Variants in RNF19B observed in about 807,000 individuals in gnomAD.
RNF19B encodes ring finger protein 19B, also known as E3 ubiquitin-protein ligase RNF19B.
Under a neutral mutation model 65.5 loss-of-function variants are expected in RNF19B, and 23 were observed. That is an observed-to-expected ratio of 0.35 (90% CI 0.25 to 0.50). RNF19B has a LOEUF of 0.50. RNF19B is among the 20% of genes least tolerant of loss of function. The pLI is 0.98. For synonymous variants in RNF19B, 372 were observed against 379.6 expected (o/e 0.98, Z 0.23); for missense variants, 794 against 980.0 (o/e 0.81, Z 2.53).
intron 8 of RNF19B, among the ~76,000 whole-genome samples, chr1:32,938,140 C>CAA (rs80176999): frequency 0.081 from 3,731 of 45,972 alleles, 120 homozygotes; most frequent in Admixed American, 0.14. Context: ...CCAAGAAAGA[C>CAA]AAAAAAAAAA....
At chr1:32,933,973 T>C (rs776356852), downstream of RNF19B, among the ~76,000 whole-genome samples, 132 of 152,332 alleles carry the variant, frequency 8.7e-4, no homozygotes, top group Middle Eastern at 3.4e-3. Flanking sequence ...ATCAAAGAAG[T>C]GAATTGTTCT....
rs539492342 is a variant in RNF19B at position 32,946,623 on chromosome 1, T to C, written c.984-59A>G. 844 of 1,457,670 alleles carry C rather than the reference T, an allele frequency of 5.8e-4. 15 individuals are homozygous for C. The South Asian group carries it at 8.2e-3, about 14-fold the overall frequency. 90.3% of individuals were successfully genotyped at this position (1,457,670 alleles called of 1,614,324 possible). A position where few individuals can be genotyped will look rare whatever the true frequency, so the allele number is the denominator to read the frequency against. ...ATTACAAATACAGCTAGTATTATCA[T>C]AGGGCTTGATAACAGCAACAGCCTT... On this transcript the variant is annotated intron_variant, in intron 3 of 8. Coordinates refer to ENST00000235150, the MANE Select transcript of RNF19B (RefSeq NM_001300826.2).
At chr1:32,950,488 C>A (rs557643977) in intron 1 of RNF19B, among the ~76,000 whole-genome samples, 2 of 151,712 alleles carry the variant, frequency 1.3e-5, no homozygotes, top group African/African-American at 4.8e-5. Context: ...TTTGTTTATA[C>A]GAAGGAAGAG....
intron 1 of RNF19B, among the ~76,000 whole-genome samples, chr1:32,951,019 T>C (rs1642483525): frequency 1.3e-5 from 2 of 151,966 alleles, no homozygotes; most frequent in African/African-American, 4.8e-5. Flanking sequence ...TTTGTATTTT[T>C]GTAGAGATAG....
intron 2 of RNF19B, 107 bp from the exon 3 acceptor site, chr1:32,948,470 A>C: frequency 8.4e-7 from 1 of 1,191,784 alleles, no homozygotes; most frequent in Non-Finnish European, 1.2e-6. Context: ...GCAGTCAAGA[A>C]CTCTTCACTG....
rs1400193191 is a variant in RNF19B at position 32,944,077 on chromosome 1, G to A, written c.1344C>T (p.Ser448=). The A allele has an allele frequency of 3.7e-6, 6 of 1,613,638 alleles. No individual in the cohort carries two copies. The highest frequency in any genetic ancestry group is 1.3e-5 in the African/African-American group (1 of 74,862). ...SLCRGGGCGV[S]TANGKGVKIE... is the part of the protein sequence containing the mutation. ...TTTTCACTCCTTTTCCGTTGGCTGT[G>A]CTAACTCCACAGCCGCCTCCACGAC... Residue 448 remains serine (S), a synonymous_variant, in exon 6 of 9, where the codon AGC becomes AGT. Transcript: ENST00000235150.
intron 1 of RNF19B, among the ~76,000 whole-genome samples, chr1:32,962,839 C>T (rs1229879395): frequency 6.6e-6 from 1 of 152,216 alleles, no homozygotes; most frequent in Non-Finnish European, 1.5e-5. Flanking sequence ...AAATGAGCCC[C>T]TCTTCCTGCG....
downstream of RNF19B, among the ~76,000 whole-genome samples, chr1:32,935,123 C>T (rs754908374): frequency 6.6e-6 from 1 of 151,732 alleles, no homozygotes; most frequent in Non-Finnish European, 1.5e-5. Flanking sequence ...AACCACTGCG[C>T]CCAGCCCATT....
intron 1 of RNF19B, among the ~76,000 whole-genome samples, chr1:32,962,582 C>G (rs1019806379): frequency 6.6e-6 from 1 of 152,184 alleles, no homozygotes; most frequent in South Asian, 2.1e-4. Flanking sequence ...CACTCTAAGA[C>G]AGCTCCTTTT....
chr1:32,942,379 T>G lies in RNF19B; in HGVS notation c.1483A>C (p.Ser495Arg). 1 of 1,614,210 alleles carries G rather than the reference T, an allele frequency of 6.2e-7. No homozygotes were observed. Among genetic ancestry groups the G allele is most frequent in the Non-Finnish European group, 8.5e-7 (1 of 1,180,032 alleles). ...CTAAGTCCATCTGTAGGGCTTCCAC[T>G]AGTGCTCAATACACTAGTCAGGCCT... is the stretch of plus-strand genomic sequence containing the variant. ...IEGLTSVLST[S>R]GSPTDGLSVM... The change falls in exon 7 of 9, where the codon AGT becomes CGT. Residue 495 changes from serine (S) to arginine (R), a missense_variant. This residue lies in a region of RNF19B where 368 missense variants were observed against 447.3 expected (regional missense o/e 0.82). Transcript: ENST00000235150.
In RNF19B at chr1:32,943,932, C is replaced by T. The variant is rs1177439820; in HGVS notation, c.1402+87G>A. On this transcript the variant is annotated intron_variant, in intron 6 of 8. Transcript: ENST00000235150. The stretch of plus-strand genomic sequence containing the variant: ...CTCATTATCCAAAGTAATCCAATGA[C>T]AATCTCCCTGTAAAATGCGCTGAAT... 3.8e-6 allele frequency: 5 copies of T among 1,324,348 alleles called. No individual in the cohort carries two copies. The African/African-American group carries it at 4.4e-5, about 12-fold the overall frequency. The allele number at this position is 1,324,348 out of a possible 1,614,324, so 82.0% of individuals were successfully genotyped here.
chr1:32,936,994 C>G lies in RNF19B; in HGVS notation c.2008G>C (p.Asp670His), dbSNP rs1642120859. 1 of 1,614,014 alleles carries G rather than the reference C, an allele frequency of 6.2e-7. No homozygotes were observed. Among genetic ancestry groups the G allele is most frequent in the African/African-American group, 1.3e-5 (1 of 74,894 alleles). ...TCTGGCACATCGTCTGACTGTGCATCAGAACTCTCTAGGTCACTGCGGATG... is the reference window on the plus strand; with the variant it reads ...TCTGGCACATCGTCTGACTGTGCATGAGAACTCTCTAGGTCACTGCGGATG... ...ESIRSDLESS[D>H]AQSDDVPDIT... is the part of the protein sequence containing the mutation. The change falls in exon 9 of 9, where the codon GAT (aspartate) becomes CAT (histidine). Residue 670 changes from aspartate (D) to histidine (H), a missense_variant. By Grantham distance (81) the Asp-to-His change is moderately conservative. Around this residue, in one of 3 missense-constraint regions of RNF19B, gnomAD observed 368 missense variants for 447.3 expected, o/e 0.82. Transcript: ENST00000235150.
chr1:32,953,384 T>G (rs1304029773), intron 1 of RNF19B, among the ~76,000 whole-genome samples: 2 of 152,114 alleles, frequency 1.3e-5, no homozygotes, highest in Non-Finnish European at 2.9e-5. Context: ...TCAAATAACG[T>G]GTACAAAAAG....
chr1:32,931,993 T>C (rs1323132060), downstream of RNF19B, among the ~76,000 whole-genome samples: 1 of 152,234 alleles, frequency 6.6e-6, no homozygotes, highest in South Asian at 2.1e-4. Flanking sequence ...TGAGGGCCTG[T>C]TACTAGTAAC....
rs1642370824 is a variant in RNF19B at position 32,946,538 on chromosome 1, T to C, written c.1010A>G (p.Lys337Arg). 1 of 1,614,002 alleles carries C rather than the reference T, an allele frequency of 6.2e-7. No individual in the cohort carries two copies. The highest frequency in any genetic ancestry group is 1.7e-5 in the Admixed American group (1 of 59,986). Residue 337 changes from lysine (K) to arginine (R), a missense_variant, in exon 4 of 9, where the codon AAG (lysine) becomes AGG (arginine). Physicochemically the swap from Lys to Arg is conservative, Grantham distance 26. This residue lies in a region of RNF19B where 52 missense variants were observed against 108.8 expected (regional missense o/e 0.48). Coordinates refer to ENST00000235150, the MANE Select transcript of RNF19B (RefSeq NM_001300826.2). Reference protein sequence around the residue: ...LSPSGCTFWGKKPWSRKKKIL... With the variant: ...LSPSGCTFWGRKPWSRKKKIL... ...TTTCTTCTTACGGCTCCATGGCTTC[T>C]TGCCCCAGAATGTACAGCCAGAGGG...
chr1:32,939,984 G>A (rs1481774610), intron 7 of RNF19B, among the ~76,000 whole-genome samples: 1 of 152,228 alleles, frequency 6.6e-6, no homozygotes, highest in Non-Finnish European at 1.5e-5. Context: ...GAGATGCACA[G>A]ACGGGTCAGT....
At chr1:32,934,980 C>T (rs537653919), downstream of RNF19B, among the ~76,000 whole-genome samples, 21 of 145,172 alleles carry the variant, frequency 1.4e-4, no homozygotes, top group South Asian at 6.7e-4. Flanking sequence ...TACAGGTGTG[C>T]GCCACCACGC....
At position 32,964,743 on chromosome 1, in the gene RNF19B, C is replaced by T; in HGVS notation, c.-58G>A. 7.6e-7 allele frequency: 1 copy of T among 1,317,766 alleles called. No individual in the cohort carries two copies. Among genetic ancestry groups the T allele is most frequent in the Non-Finnish European group, 9.7e-7 (1 of 1,035,404 alleles). The allele number at this position is 1,317,766 out of a possible 1,614,324, so 81.6% of individuals were successfully genotyped here. A position where few individuals can be genotyped will look rare whatever the true frequency, so the allele number is the denominator to read the frequency against. On this transcript the variant is annotated 5_prime_UTR_variant, in exon 1 of 9. Coordinates refer to ENST00000235150, the MANE Select transcript of RNF19B (RefSeq NM_001300826.2). This position sits in a 1 kb window ranked among gnomAD's most constrained non-coding sequence, Gnocchi z 6.5. ...AGCGCCGCCACAGCTCCCGCCTCAGCGCCCCTCAGCCAGCGCCCGGCCGCC... is the reference window on the plus strand; with the variant it reads ...AGCGCCGCCACAGCTCCCGCCTCAGTGCCCCTCAGCCAGCGCCCGGCCGCC...
At chr1:32,943,407 C>T (rs185666714) in intron 6 of RNF19B, among the ~76,000 whole-genome samples, 117 of 151,348 alleles carry the variant, frequency 7.7e-4, no homozygotes, top group Non-Finnish European at 1.3e-3. Flanking sequence ...GTGAGGAGAT[C>T]GAGATCTTCC....
Sources: allele counts gnomAD v4.1 joint callset (sites outside exome capture counted in the v4.1 genomes callset), GRCh38; gene constraint gnomAD v4.1.1; regional missense constraint gnomAD v4.1.1; non-coding constraint Gnocchi (gnomAD v3.1); transcripts MANE v1.5; gene names NCBI Gene and HGNC (gene_info 2026-07-23, HGNC 2026-07-21).